Variants in CFAP44 observed in about 807,000 individuals in gnomAD.
The protein encoded by CFAP44 is cilia- and flagella-associated protein 44.
In CFAP44, 134 loss-of-function variants were observed where a neutral mutation model predicts 216.2. The observed-to-expected ratio is 0.62, with a 90% CI of 0.54 to 0.72. The LOEUF is 0.72. CFAP44 is among the 30% of genes least tolerant of loss of function. The pLI is 0.00. For synonymous variants in CFAP44, 700 were observed against 727.6 expected (o/e 0.96, Z 0.61); for missense variants, 2,035 against 2,182.1 (o/e 0.93, Z 1.34).
rs9841511 is a variant in CFAP44 at position 113,371,111 on chromosome 3, T to C, written c.2444+2300A>G. ...CAAACAAATGGAAGAACATTCCATGTTCATGGATAGGAAGAATCAATATCA... is the reference window on the plus strand; with the variant it reads ...CAAACAAATGGAAGAACATTCCATGCTCATGGATAGGAAGAATCAATATCA... On this transcript the variant is annotated intron_variant, in intron 18 of 34. Coordinates refer to ENST00000393845, the MANE Select transcript of CFAP44 (RefSeq NM_001164496.2). 5.3e-5 allele frequency among the ~76,000 whole-genome samples: 8 copies of C among 152,248 alleles called. No individual in the cohort carries two copies. The East Asian group carries it at 5.8e-4, about 11-fold the overall frequency.
intron 15 of CFAP44, among the ~76,000 whole-genome samples, chr3:113,394,945 GACT>G (rs1456167029): frequency 3.3e-5 from 5 of 152,214 alleles, no homozygotes; most frequent in Non-Finnish European, 7.3e-5. Context: ...CTCCTTGAGA[GACT>G]ACTTTGTACT....
At chr3:113,430,149 G>C (rs1935066121) in intron 2 of CFAP44, among the ~76,000 whole-genome samples, 1 of 151,788 alleles carries the variant, frequency 6.6e-6, no homozygotes, top group African/African-American at 2.4e-5. Context: ...ACAGAGGTAA[G>C]TTAGAAACCA....
In CFAP44 at chr3:113,400,546, G is replaced by A. The variant is rs1228254805; in HGVS notation, c.1473C>T (p.Asp491=). The change falls in exon 12 of 35, where the codon GAC becomes GAT. Residue 491 remains aspartate, a splice_region_variant and synonymous_variant. Transcript: ENST00000393845. ...TTTTTATTAAGAGTTCCTACTTACA[G>A]TCCAAGGCAGTTGTGGCCATGAGAT... ...LTYLMATTAL[D]CSVRIYDFAS... 3.8e-6 allele frequency: 6 copies of A among 1,595,478 alleles called. No individual in the cohort carries two copies. Among genetic ancestry groups the A allele is most frequent in the Non-Finnish European group, 5.1e-6 (6 of 1,171,724 alleles).
intron 15 of CFAP44, among the ~76,000 whole-genome samples, chr3:113,393,566 C>A (rs116238612): frequency 7.4e-4 from 112 of 152,254 alleles, no homozygotes; most frequent in African/African-American, 2.6e-3. Context: ...ACTCTTGACA[C>A]CCAAGCTGGA....
At chr3:113,344,298 T>C (rs1003117020) in intron 23 of CFAP44, among the ~76,000 whole-genome samples, 3 of 151,972 alleles carry the variant, frequency 2.0e-5, no homozygotes, top group Non-Finnish European at 4.4e-5. Context: ...AAAGTGGACA[T>C]GGAGCATTTC....
intron 15 of CFAP44, among the ~76,000 whole-genome samples, chr3:113,390,813 C>A (rs1272288962): frequency 6.6e-6 from 1 of 151,664 alleles, no homozygotes; most frequent in Non-Finnish European, 1.5e-5. Context: ...TCTACAATGA[C>A]AACTATAAAA....
chr3:113,429,910 T>C (rs1057209864), intron 2 of CFAP44, among the ~76,000 whole-genome samples: 5 of 152,128 alleles, frequency 3.3e-5, no homozygotes, highest in Admixed American at 2.6e-4. Context: ...CTTTCAGCAA[T>C]TGATAGAACA....
intron 19 of CFAP44, among the ~76,000 whole-genome samples, chr3:113,364,266 TAA>T (rs1386964496): frequency 1.3e-5 from 2 of 152,170 alleles, no homozygotes; most frequent in Non-Finnish European, 2.9e-5. Context: ...TGTTCATAAA[TAA>T]AACTAAACTT....
Position 113,294,563 on chromosome 3 carries a change from G to A in CFAP44, c.5373+124C>T, listed in dbSNP as rs1181946182. The A allele has an allele frequency of 2.4e-6, 3 of 1,275,466 alleles. No homozygotes were observed. The African/African-American group carries it at 4.5e-5, about 19-fold the overall frequency. 79.0% of individuals were successfully genotyped at this position (1,275,466 alleles called of 1,614,324 possible). On this transcript the variant is annotated intron_variant, in intron 34 of 34. Coordinates refer to ENST00000393845, the MANE Select transcript of CFAP44 (RefSeq NM_001164496.2). The stretch of plus-strand genomic sequence containing the variant: ...CTCAGTGTCCTCGGGGACGCAGATG[G>A]TCTGGAAGTGGTCCAAGATCAAGCA...
At chr3:113,397,472 G>A (rs1436584972) in intron 13 of CFAP44, 2 of 152,226 alleles carry the variant, frequency 1.3e-5, no homozygotes, top group Non-Finnish European at 2.9e-5. Context: ...TTTTAGTTGG[G>A]TTCCAGGGGG....
chr3:113,325,619 T>C (rs113106469), intron 28 of CFAP44, among the ~76,000 whole-genome samples: 2,133 of 152,064 alleles, frequency 0.014, 53 homozygotes, highest in African/African-American at 0.048. Flanking sequence ...AAACTCAATG[T>C]AGTAAAGATA....
At chr3:113,425,816 A>T (rs1934944472) in intron 4 of CFAP44, among the ~76,000 whole-genome samples, 1 of 152,224 alleles carries the variant, frequency 6.6e-6, no homozygotes, top group African/African-American at 2.4e-5. Flanking sequence ...CAAATCTCTA[A>T]GAATTCAAGC....
At chr3:113,297,119 T>G (rs933391072) in intron 32 of CFAP44, among the ~76,000 whole-genome samples, 6 of 152,166 alleles carry the variant, frequency 3.9e-5, no homozygotes, top group African/African-American at 1.4e-4. Context: ...TGTTCCCAAC[T>G]GGATTATGGA....
intron 34 of CFAP44, 157 bp downstream of exon 34, chr3:113,294,529 TA>T: frequency 1.0e-6 from 1 of 956,334 alleles, no homozygotes; most frequent in Non-Finnish European, 1.5e-6. Flanking sequence ...GTAATGTGGC[TA>T]ACACCAACTC....
chr3:113,369,070 C>T (rs917919407), intron 18 of CFAP44, among the ~76,000 whole-genome samples: 2 of 152,156 alleles, frequency 1.3e-5, no homozygotes, highest in Non-Finnish European at 2.9e-5. Context: ...AATACAGGAG[C>T]ACCCAGATTC....
chr3:113,412,479 G>A (rs1934513274), intron 6 of CFAP44, among the ~76,000 whole-genome samples: 1 of 151,400 alleles, frequency 6.6e-6, no homozygotes, highest in African/African-American at 2.4e-5. Context: ...GTGTGCCATG[G>A]TGGTCTGCTG....
rs1409786807 is a variant in CFAP44, at chr3:113,330,564, G to C, written c.3720C>G (p.Asn1240Lys). 6.5e-7 allele frequency: 1 copy of C among 1,537,114 alleles called. No homozygotes were observed. The highest frequency in any genetic ancestry group is 1.4e-5 in the African/African-American group (1 of 73,136). ...TGGATATGTGAAGAGTCGACTGAAT[G>C]TTCTTCAGTTCTTGTACCAGGCACT... is the stretch of plus-strand genomic sequence containing the variant. ...EIQCLVQELK[N>K]IQSTLHISKH... Residue 1240 changes from asparagine to lysine, a missense_variant, in exon 26 of 35, where the codon AAC (asparagine) becomes AAG (lysine). Asn to Lys is a moderately conservative substitution (Grantham distance 94). Transcript: ENST00000393845.
At chr3:113,435,858 CGTGTGTGTGT>C (rs59468932) in intron 1 of CFAP44, among the ~76,000 whole-genome samples, 6 of 147,770 alleles carry the variant, frequency 4.1e-5, no homozygotes, top group Non-Finnish European at 7.5e-5. Context: ...AGTGTATGTA[CGTGTGTGTGT>C]GTGTGTGTGT....
chr3:113,419,902 T>C (rs949517538), intron 5 of CFAP44, 115 bp downstream of exon 5: 20 of 1,076,488 alleles, frequency 1.9e-5, no homozygotes, highest in Non-Finnish European at 2.0e-5. Flanking sequence ...GCATCTCATG[T>C]GAACCCACAA....
Sources: allele counts gnomAD v4.1 joint callset (sites outside exome capture counted in the v4.1 genomes callset), GRCh38; gene constraint gnomAD v4.1.1; transcripts MANE v1.5; gene names NCBI Gene and HGNC (gene_info 2026-07-23, HGNC 2026-07-21).